THSD7B: variants seen among roughly 807,000 people sequenced by gnomAD.
THSD7B encodes thrombospondin type 1 domain containing 7B, also known as thrombospondin type-1 domain-containing protein 7B.
In THSD7B, 138 loss-of-function variants were observed where a neutral mutation model predicts 213.6. The ratio of observed to expected loss-of-function variants is 0.65; its 90% confidence interval spans 0.56 to 0.74. The LOEUF is 0.74. Among genes scored for constraint, THSD7B ranks in the 30% least tolerant of loss-of-function variants. THSD7B has a pLI of 0.00. For synonymous variants in THSD7B, 742 were observed against 687.0 expected (o/e 1.08, Z -1.25); for missense variants, 1,931 against 1,991.5 (o/e 0.97, Z 0.58).
intron 15 of THSD7B, among the ~76,000 whole-genome samples, chr2:137,511,410 G>A (rs369028628): frequency 3.3e-5 from 5 of 152,290 alleles, no homozygotes; most frequent in Non-Finnish European, 5.9e-5. Flanking sequence ...TGATGCAGAT[G>A]TTATGTTGCA....
At chr2:137,516,991 T>C (rs1211643686) in intron 15 of THSD7B, among the ~76,000 whole-genome samples, 1 of 152,228 alleles carries the variant, frequency 6.6e-6, no homozygotes, top group Non-Finnish European at 1.5e-5. Context: ...CAGTGGATTA[T>C]TGTAAGCTTA....
chr2:137,459,378 A>C (rs1182668053), intron 15 of THSD7B, among the ~76,000 whole-genome samples: 2 of 152,144 alleles, frequency 1.3e-5, no homozygotes, highest in Non-Finnish European at 2.9e-5. Context: ...AAGATTCAAG[A>C]TAGAAAGACC....
Position 137,475,543 on chromosome 2 carries a change from G to C in THSD7B, c.3138+24520G>C, listed in dbSNP as rs866655816. Among the ~76,000 whole-genome samples, 8 of 152,124 alleles carry C rather than the reference G, an allele frequency of 5.3e-5. 1 individual carries two copies. The Middle Eastern group carries it at 0.01, about 194-fold the overall frequency. ...AATCAACTCTACTTCCATGAGATAC[G>C]CTATTTTAGATCCCACATATGAGTA... On this transcript the variant is annotated intron_variant, in intron 15 of 27. Coordinates refer to ENST00000409968, the MANE Select transcript of THSD7B (RefSeq NM_001316349.2).
At chr2:136,872,241 C>T (rs1683440709) in intron 1 of THSD7B, among the ~76,000 whole-genome samples, 1 of 152,086 alleles carries the variant, frequency 6.6e-6, no homozygotes, top group African/African-American at 2.4e-5. Flanking sequence ...GTGTCTGAGC[C>T]TCAGGTTTCC....
intron 2 of THSD7B, among the ~76,000 whole-genome samples, chr2:136,897,626 G>A (rs1212890134): frequency 6.6e-6 from 1 of 152,130 alleles, no homozygotes; most frequent in Non-Finnish European, 1.5e-5. Context: ...GCAGGTTGCC[G>A]CTGCGGGCTC....
intron 15 of THSD7B, among the ~76,000 whole-genome samples, chr2:137,518,694 T>C (rs1680120838): frequency 6.6e-6 from 1 of 152,158 alleles, no homozygotes; most frequent in African/African-American, 2.4e-5. Context: ...ACCCCTGTCA[T>C]TGCCCAATGG....
chr2:137,166,343 T>A (rs1442660148), intron 6 of THSD7B, among the ~76,000 whole-genome samples: 2 of 152,192 alleles, frequency 1.3e-5, no homozygotes, highest in African/African-American at 4.8e-5. Flanking sequence ...AAATAAATAC[T>A]CTTAGACAAA....
At chr2:136,850,233 T>C (rs762838904) in intron 1 of THSD7B, among the ~76,000 whole-genome samples, 1 of 152,136 alleles carries the variant, frequency 6.6e-6, no homozygotes, top group Non-Finnish European at 1.5e-5. Context: ...TTTACAACTG[T>C]ATAATGCTGC....
intron 1 of THSD7B, among the ~76,000 whole-genome samples, chr2:136,877,428 C>T (rs1046986040): frequency 2.6e-5 from 4 of 152,116 alleles, no homozygotes; most frequent in Non-Finnish European, 5.9e-5. Context: ...TCTAACAGGC[C>T]ACTCTTGGAG....
At chr2:137,279,743 T>C (rs1026014504) in intron 12 of THSD7B, among the ~76,000 whole-genome samples, 1 of 152,064 alleles carries the variant, frequency 6.6e-6, no homozygotes, top group Non-Finnish European at 1.5e-5. Context: ...ACACATAGGG[T>C]CTTGTTTCTT....
intron 2 of THSD7B, among the ~76,000 whole-genome samples, chr2:137,039,494 A>G (rs1465616436): frequency 6.6e-6 from 1 of 152,100 alleles, no homozygotes; most frequent in African/African-American, 2.4e-5. Context: ...GCACAGGACA[A>G]CTCTTTACAA....
chr2:137,094,184 G>C (rs182577171), intron 3 of THSD7B, among the ~76,000 whole-genome samples: 1 of 152,312 alleles, frequency 6.6e-6, no homozygotes, highest in East Asian at 1.9e-4. Flanking sequence ...TCATGAGCTT[G>C]TTGTGAGAAA....
intron 2 of THSD7B, among the ~76,000 whole-genome samples, chr2:136,919,432 C>T (rs1248916766): frequency 1.3e-5 from 2 of 152,216 alleles, no homozygotes; most frequent in African/African-American, 4.8e-5. Context: ...TCTGATGACC[C>T]AGATCAGACC....
At chr2:137,361,504 C>A (rs528842910) in intron 12 of THSD7B, among the ~76,000 whole-genome samples, 26 of 152,202 alleles carry the variant, frequency 1.7e-4, no homozygotes, top group African/African-American at 5.8e-4. Context: ...AGACGAATGG[C>A]TAACTAGAAT....
chr2:137,659,030 C>T (rs1301472176), intron 24 of THSD7B, among the ~76,000 whole-genome samples: 1 of 152,096 alleles, frequency 6.6e-6, no homozygotes, highest in African/African-American at 2.4e-5. Context: ...TTGTCTCATC[C>T]ATTTATTCAA....
chr2:137,221,884 T>C (rs1040693446), intron 7 of THSD7B, among the ~76,000 whole-genome samples: 1 of 152,210 alleles, frequency 6.6e-6, no homozygotes, highest in Non-Finnish European at 1.5e-5. Flanking sequence ...TCTAGATAAT[T>C]TGAAGTACTT....
intron 17 of THSD7B, among the ~76,000 whole-genome samples, chr2:137,574,174 C>G (rs2105236956): frequency 6.6e-6 from 1 of 152,160 alleles, no homozygotes; most frequent in South Asian, 2.1e-4. Context: ...ACATTGCCGT[C>G]TTAAGGTATC....
intron 12 of THSD7B, among the ~76,000 whole-genome samples, chr2:137,286,116 T>A (rs1417168414): frequency 1.3e-5 from 2 of 151,396 alleles, no homozygotes; most frequent in Non-Finnish European, 2.9e-5. Context: ...AAAAAAAAGA[T>A]TTATATCATT....
rs977494076 is a variant in THSD7B, at chr2:137,341,922, T to C, written c.2501-63691T>C. ...GTAATGTTATACCTCCAGCTGTTTT[T>C]TGTTTGTTTTTTTGTTTTTTTATCA... On this transcript the variant is annotated intron_variant, in intron 12 of 27. Coordinates refer to ENST00000409968, the MANE Select transcript of THSD7B (RefSeq NM_001316349.2). Among the ~76,000 whole-genome samples, 3 of 151,810 alleles carry C rather than the reference T, an allele frequency of 2.0e-5. 1 individual carries two copies. Among genetic ancestry groups the C allele is most frequent in the African/African-American group, 7.2e-5 (3 of 41,516 alleles).
Sources: allele counts gnomAD v4.1 joint callset (sites outside exome capture counted in the v4.1 genomes callset), GRCh38; gene constraint gnomAD v4.1.1; transcripts MANE v1.5; gene names NCBI Gene and HGNC (gene_info 2026-07-23, HGNC 2026-07-21).